The following CDK8 variants were observed in gnomAD, a reference collection of about 807,000 sequenced individuals.
The protein encoded by CDK8 is cyclin dependent kinase 8.
CDK8 carries 29 observed loss-of-function variants against 71.5 expected under a neutral mutation model. The observed-to-expected ratio is 0.41, with a 90% CI of 0.30 to 0.55. CDK8 has a LOEUF of 0.55. CDK8 is among the 20% of genes least tolerant of loss of function. CDK8 has a pLI of 0.37. For synonymous variants in CDK8, 161 were observed against 192.1 expected, an observed-to-expected ratio of 0.84 and a Z score of 1.34; for missense variants, 288 against 572.6, an observed-to-expected ratio of 0.50 and a Z score of 5.07.
intron 4 of CDK8, among the ~76,000 whole-genome samples, chr13:26,368,175 G>A (rs968698751): frequency 2.6e-5 from 4 of 152,054 alleles, no homozygotes; most frequent in Admixed American, 1.3e-4. Flanking sequence ...GAATTTTTCG[G>A]ACTCCAATAA....
At chr13:26,373,092 C>T (rs926358295) in intron 4 of CDK8, among the ~76,000 whole-genome samples, 4 of 152,184 alleles carry the variant, frequency 2.6e-5, no homozygotes, top group African/African-American at 7.2e-5. Context: ...GTACCACATA[C>T]GTAAGTAACC....
chr13:26,286,888 A>T lies in CDK8; in HGVS notation c.128+32119A>T, dbSNP rs148913411. Among the ~76,000 whole-genome samples, 388 of 152,346 alleles carry T rather than the reference A, an allele frequency of 2.5e-3. 2 individuals carry two copies. Among genetic ancestry groups the T allele is most frequent in the African/African-American group, 8.8e-3 (364 of 41,584 alleles). ...AAGAAAATATACAAATGGCCAACAG[A>T]CATATGAAAAAATGCTCAATATCAC... is the stretch of plus-strand genomic sequence containing the variant. On this transcript the variant is annotated intron_variant, in intron 1 of 12. Transcript: ENST00000381527.
chr13:26,311,142 A>C lies in CDK8; in HGVS notation c.129-26425A>C, dbSNP rs17083741. Among the ~76,000 whole-genome samples the C allele has an allele frequency of 8.0e-3, 1,212 of 151,796 alleles. 25 individuals carry two copies. The highest frequency in any genetic ancestry group is 0.026 in the African/African-American group (1,091 of 41,358). On this transcript the variant is annotated intron_variant, in intron 1 of 12. Transcript: ENST00000381527. ...TGAAAATGGTAGCTGTGCATTAAAA[A>C]TGTTTGAATAAATGGACTCACTGTA...
At chr13:26,322,054 T>G (rs1368700298) in intron 1 of CDK8, among the ~76,000 whole-genome samples, 1 of 152,116 alleles carries the variant, frequency 6.6e-6, no homozygotes, top group Non-Finnish European at 1.5e-5. Context: ...AGAAATCCTA[T>G]TCCTGGTCTT....
Position 26,404,352 on chromosome 13 carries a change from C to A in CDK8, c.*271C>A. ...TTTACTTGACATGGTTCAGACTGAC[C>A]AATGCATTTTTTTCAGTGACAGTCT... On this transcript the variant is annotated 3_prime_UTR_variant, in exon 13 of 13. Transcript: ENST00000381527. 1 of 325,464 alleles carries A rather than the reference C, an allele frequency of 3.1e-6. No homozygotes were observed. The highest frequency in any genetic ancestry group is 5.7e-6 in the Non-Finnish European group (1 of 175,010). 20.2% of individuals were successfully genotyped at this position (325,464 alleles called of 1,614,324 possible). A position where few individuals can be genotyped will look rare whatever the true frequency, so the allele number is the denominator to read the frequency against.
intron 5 of CDK8, among the ~76,000 whole-genome samples, chr13:26,383,823 A>G (rs183014082): frequency 2.8e-4 from 43 of 152,306 alleles, no homozygotes; most frequent in African/African-American, 8.7e-4. Flanking sequence ...ATGTTTAGTT[A>G]TGAGGAAATT....
chr13:26,390,870 A>G (rs1875712518), intron 6 of CDK8, among the ~76,000 whole-genome samples: 1 of 152,156 alleles, frequency 6.6e-6, no homozygotes. Flanking sequence ...TTAGCTCAGT[A>G]GCTACCTATA....
At chr13:26,337,767 T>C (rs2137973854) in intron 2 of CDK8, 125 bp downstream of exon 2, 2 of 365,730 alleles carry the variant, frequency 5.5e-6, no homozygotes, top group Non-Finnish European at 1.0e-5. Context: ...CAACTATATG[T>C]AGAAAAATAT....
intron 2 of CDK8, among the ~76,000 whole-genome samples, chr13:26,340,346 C>G (rs1015610282): frequency 6.6e-6 from 1 of 151,882 alleles, no homozygotes; most frequent in Non-Finnish European, 1.5e-5. Context: ...GAAAAGAGAC[C>G]TTGTATTTTA....
chr13:26,337,049 T>C (rs1174374073), intron 1 of CDK8, among the ~76,000 whole-genome samples: 1 of 140,998 alleles, frequency 7.1e-6, no homozygotes, highest in Non-Finnish European at 1.6e-5. Flanking sequence ...GGGTACATAG[T>C]AAGTGTTCAG....
At chr13:26,393,549 T>C (rs930231461) in intron 7 of CDK8, 39 bp downstream of exon 7, 1 of 1,603,962 alleles carries the variant, frequency 6.2e-7, no homozygotes, top group Non-Finnish European at 8.5e-7. Flanking sequence ...TTTAAATCAC[T>C]GTTGTTTGAA....
Position 26,401,516 on chromosome 13 carries a change from C to T in CDK8, c.1161C>T (p.His387=), listed in dbSNP as rs145770778. 4 of 1,614,054 alleles carry T rather than the reference C, an allele frequency of 2.5e-6. No individual in the cohort carries two copies. Among genetic ancestry groups the T allele is most frequent in the African/African-American group, 2.7e-5 (2 of 74,922 alleles). ...ATAACCACACTAATGGAACTGGCCACCCAGGGAATCAAGACAGCAGTCACA... is the reference window on the plus strand; with the variant it reads ...ATAACCACACTAATGGAACTGGCCATCCAGGGAATCAAGACAGCAGTCACA... ...QGNNHTNGTG[H]PGNQDSSHTQ... is the part of the protein sequence containing the mutation. The change falls in exon 12 of 13, where the codon CAC becomes CAT. Residue 387 remains histidine, a synonymous_variant. Transcript: ENST00000381527. This position sits in a 1 kb window ranked among gnomAD's most constrained non-coding sequence, Gnocchi z 4.5.
intron 4 of CDK8, among the ~76,000 whole-genome samples, chr13:26,368,408 C>A (rs1279133738): frequency 1.3e-5 from 2 of 152,166 alleles, no homozygotes; most frequent in African/African-American, 2.4e-5. Context: ...CTGATATATT[C>A]AAAATCTTTC....
intron 4 of CDK8, among the ~76,000 whole-genome samples, chr13:26,381,239 C>T (rs1173089381): frequency 6.6e-6 from 1 of 152,164 alleles, no homozygotes; most frequent in Non-Finnish European, 1.5e-5. Flanking sequence ...AGAAATGCTG[C>T]CTAATTCCAT....
rs1876408758 is a variant in CDK8, at chr13:26,404,241, T to G, written c.*160T>G. On this transcript the variant is annotated 3_prime_UTR_variant, in exon 13 of 13. Transcript: ENST00000381527. ...CACCACTTTTCACAGATTGGGGTAGTGGCTTCCAAGTTGTACCTATTTTGG... is the reference window on the plus strand; with the variant it reads ...CACCACTTTTCACAGATTGGGGTAGGGGCTTCCAAGTTGTACCTATTTTGG... The G allele has an allele frequency of 1.3e-6, 1 of 767,346 alleles. No homozygotes were observed. The highest frequency in any genetic ancestry group is 2.0e-6 in the Non-Finnish European group (1 of 498,558). The allele number at this position is 767,346 out of a possible 1,614,324, so 47.5% of individuals were successfully genotyped here.
chr13:26,291,384 A>T (rs1050605731), intron 1 of CDK8, among the ~76,000 whole-genome samples: 13 of 152,204 alleles, frequency 8.5e-5, no homozygotes, highest in African/African-American at 3.1e-4. Flanking sequence ...ATGTATGTAT[A>T]TACATATAGA....
intron 4 of CDK8, among the ~76,000 whole-genome samples, chr13:26,356,842 C>G (rs187980163): frequency 6.6e-6 from 1 of 152,096 alleles, no homozygotes; most frequent in African/African-American, 2.4e-5. Context: ...ATTAATAGTT[C>G]ATTATATTCT....
intron 1 of CDK8, among the ~76,000 whole-genome samples, chr13:26,324,243 ACT>A (rs1158479252): frequency 5.3e-5 from 1 of 18,952 alleles, no homozygotes; most frequent in Non-Finnish European, 9.8e-5. Context: ...TGCAATAAAG[ACT>A]CTCCATGTGA....
chr13:26,313,271 A>G (rs1443358194), intron 1 of CDK8, among the ~76,000 whole-genome samples: 1 of 152,192 alleles, frequency 6.6e-6, no homozygotes, highest in African/African-American at 2.4e-5. Flanking sequence ...CTATGTGCTA[A>G]GTACTAAGAA....
Sources: gnomAD v4.1 joint callset for allele counts (sites outside exome capture counted in the v4.1 genomes callset) on GRCh38, gnomAD v4.1.1 for gene constraint, Gnocchi (gnomAD v3.1) non-coding constraint, MANE v1.5 for transcripts, NCBI Gene and HGNC (gene_info 2026-07-23, HGNC 2026-07-21) for gene names.